A2ML1: variants seen among roughly 807,000 people sequenced by gnomAD.
A2ML1 encodes alpha-2-macroglobulin like 1.
In A2ML1, 161 loss-of-function variants were observed where a neutral mutation model predicts 181.9. That is an observed-to-expected ratio of 0.89 (90% confidence interval 0.78 to 1.01). The LOEUF (loss-of-function observed/expected upper bound fraction) is 1.01. Ranked by LOEUF, A2ML1 falls within the 50% of genes least tolerant of loss-of-function variation. The probability of loss-of-function intolerance (pLI) is 0.00; values close to 1 mark genes in which losing one functional copy is unlikely to be tolerated. For missense variants in A2ML1, 1,670 were observed against 1,768.1 expected (o/e 0.94, Z 1.00); for synonymous variants, 663 against 666.8 (o/e 0.99, Z 0.09).
At chr12:8,848,943 T>C in intron 16 of A2ML1, 29 bp downstream of exon 16, 1 of 1,590,542 alleles carries the variant, frequency 6.3e-7, no homozygotes, top group Non-Finnish European at 8.6e-7. Context: ...TTTGTTCTTA[T>C]GGGAAAGATG....
At position 8,874,422 on chromosome 12, in the gene A2ML1, C is replaced by T. The variant is rs776374407; in HGVS notation, c.4222-3C>T. On this transcript the variant is annotated splice_region_variant and splice_polypyrimidine_tract_variant and intron_variant, in intron 33 of 35. Transcript: ENST00000299698. ...GGTACTGTTTCATCTGTCTTCCCCA[C>T]AGCTCATTAAGAACACTCAGACTTA... is the stretch of plus-strand genomic sequence containing the variant. 1.4e-5 allele frequency: 22 copies of T among 1,611,442 alleles called. No homozygotes were observed. Among genetic ancestry groups the T allele is most frequent in the African/African-American group, 8.0e-5 (6 of 74,938 alleles).
intron 27 of A2ML1, 24 bp downstream of exon 27, chr12:8,860,979 T>C: frequency 1.2e-6 from 2 of 1,613,690 alleles, no homozygotes; most frequent in Non-Finnish European, 8.5e-7. Context: ...GCTCCTGCTC[T>C]TGATACCCTC....
chr12:8,873,959 T>A (rs1944712177), intron 33 of A2ML1, among the ~76,000 whole-genome samples: 2 of 152,076 alleles, frequency 1.3e-5, no homozygotes, highest in African/African-American at 4.8e-5. Context: ...TCTTTAAGAC[T>A]CATAGGGCAG....
chr12:8,872,333 G>A (rs1944653632), intron 33 of A2ML1, among the ~76,000 whole-genome samples: 1 of 151,968 alleles, frequency 6.6e-6, no homozygotes, highest in South Asian at 2.1e-4. Flanking sequence ...TTAATTTACT[G>A]AGGACCTCAA....
chr12:8,861,540 T>C (rs1239319509), intron 28 of A2ML1, among the ~76,000 whole-genome samples: 51 of 152,272 alleles, frequency 3.3e-4, no homozygotes, highest in Non-Finnish European at 1.8e-4. Context: ...CAGGCTGGAG[T>C]GCAGTGGCGT....
chr12:8,845,618 T>G (rs1269363792), intron 13 of A2ML1, 116 bp downstream of exon 13: 10 of 951,120 alleles, frequency 1.1e-5, no homozygotes, highest in African/African-American at 1.7e-5. Context: ...GAGGCCGAGG[T>G]GGGCGGATCA....
intron 18 of A2ML1, 103 bp from the exon 19 acceptor site, chr12:8,851,681 C>CAA: frequency 9.3e-7 from 1 of 1,074,628 alleles, no homozygotes. Flanking sequence ...GCTGGGATTA[C>CAA]AAGTGTAAGC....
chr12:8,824,879 T>C (rs1448505968), intron 3 of A2ML1, among the ~76,000 whole-genome samples: 2 of 152,238 alleles, frequency 1.3e-5, no homozygotes, highest in Admixed American at 6.5e-5. Flanking sequence ...CTTAACATAA[T>C]GACCTCCTGT....
chr12:8,864,149 C>A, intron 29 of A2ML1, 141 bp downstream of exon 29: 2 of 715,398 alleles, frequency 2.8e-6, no homozygotes, highest in Non-Finnish European at 4.5e-6. Context: ...TGGAAGTATT[C>A]ATAAAATGGG....
chr12:8,885,106 G>C (rs1433168588), intron 7 of A2ML1, among the ~76,000 whole-genome samples: 1 of 151,930 alleles, frequency 6.6e-6, no homozygotes, highest in East Asian at 1.9e-4. Context: ...GAGATTTTCA[G>C]ACTTGCAAAA....
At chr12:8,843,855 A>T (rs1943575940) in intron 12 of A2ML1, among the ~76,000 whole-genome samples, 1 of 151,448 alleles carries the variant, frequency 6.6e-6, no homozygotes, top group South Asian at 2.1e-4. Context: ...AGTAGCTGGG[A>T]CTACAGGCGC....
intron 22 of A2ML1, 148 bp from the exon 23 acceptor site, chr12:8,855,361 T>G (rs1376559523): frequency 1.1e-5 from 7 of 664,600 alleles, no homozygotes; most frequent in Non-Finnish European, 1.8e-5. Flanking sequence ...AAGATCACTA[T>G]GAATAGTACC....
In A2ML1 at chr12:8,852,484, T is replaced by C; in HGVS notation, c.2590+148T>C. 1.1e-5 allele frequency: 13 copies of C among 1,190,388 alleles called. No individual in the cohort carries two copies. Among genetic ancestry groups the C allele is most frequent in the Non-Finnish European group, 1.5e-5 (13 of 851,684 alleles). The allele number at this position is 1,190,388 out of a possible 1,614,324, so 73.7% of individuals were successfully genotyped here. A position where few individuals can be genotyped will look rare whatever the true frequency, so the allele number is the denominator to read the frequency against. ...CCCTCCTAAGGCTGTTATAAGTCAA[T>C]ACACAAACACTCTTTGATAGGTGAC... On this transcript the variant is annotated intron_variant, in intron 20 of 35. Coordinates refer to ENST00000299698, the MANE Select transcript of A2ML1 (RefSeq NM_144670.6). This position sits in a 1 kb window ranked among gnomAD's most constrained non-coding sequence, Gnocchi z 4.2.
At chr12:8,857,763 G>C in intron 25 of A2ML1, 175 bp downstream of exon 25, 1 of 1,094,488 alleles carries the variant, frequency 9.1e-7, no homozygotes, top group Admixed American at 2.3e-5. Flanking sequence ...ATCTTCCTGA[G>C]CTTGTGCCTC....
At chr12:8,844,238 G>A (rs1341028176) in intron 12 of A2ML1, among the ~76,000 whole-genome samples, 1 of 151,114 alleles carries the variant, frequency 6.6e-6, no homozygotes, top group African/African-American at 2.4e-5. Flanking sequence ...GAGGGAGAGT[G>A]GGGAGGGATG....
downstream of A2ML1, among the ~76,000 whole-genome samples, chr12:8,887,391 GCTC>G (rs1944932018): frequency 1.3e-5 from 2 of 152,150 alleles, no homozygotes; most frequent in African/African-American, 4.8e-5. Context: ...AGTTCTGTAA[GCTC>G]CTGTTTTTCT....
downstream of A2ML1, among the ~76,000 whole-genome samples, chr12:8,877,307 G>A (rs1009902732): frequency 1.3e-5 from 2 of 152,106 alleles, no homozygotes; most frequent in African/African-American, 4.8e-5. Context: ...GGGAAAATAA[G>A]TACATTCTAC....
chr12:8,827,512 T>C (rs765146504), intron 3 of A2ML1, among the ~76,000 whole-genome samples: 1 of 152,338 alleles, frequency 6.6e-6, no homozygotes, highest in Admixed American at 6.5e-5. Flanking sequence ...CTCTGTGTTA[T>C]CTAAAATTTT....
At chr12:8,837,367 G>T in intron 7 of A2ML1, 73 bp from the exon 8 acceptor site, 1 of 1,581,896 alleles carries the variant, frequency 6.3e-7, no homozygotes, top group Non-Finnish European at 8.6e-7. Flanking sequence ...GAGGGAAGAA[G>T]TGGTGTTTGA....
Sources: gnomAD v4.1 joint callset for allele counts (sites outside exome capture counted in the v4.1 genomes callset) on GRCh38, gnomAD v4.1.1 for gene constraint, Gnocchi (gnomAD v3.1) non-coding constraint, MANE v1.5 for transcripts, NCBI Gene and HGNC (gene_info 2026-07-23, HGNC 2026-07-21) for gene names.